The following CHLSN variants were observed in gnomAD, a reference collection of about 807,000 sequenced individuals.
CHLSN encodes the protein protein cholesin.
chr7:1,136,048 GTATA>G, the CHLSN span, among the ~76,000 whole-genome samples: 3 of 104,536 alleles, frequency 2.9e-5, no homozygotes, highest in East Asian at 2.7e-4. Flanking sequence ...AAATATATAA[GTATA>G]TATAAATATA....
At chr7:1,079,987 C>T in the CHLSN span, among the ~76,000 whole-genome samples, 3 of 152,272 alleles carry the variant, frequency 2.0e-5, no homozygotes, top group Non-Finnish European at 4.4e-5. Flanking sequence ...GAACGAGTCC[C>T]ACAAGCCCCT....
At chr7:1,109,270 C>CAGA in the CHLSN span, 1 of 152,190 alleles carries the variant, frequency 6.6e-6, no homozygotes, top group Non-Finnish European at 1.5e-5. Flanking sequence ...TTCCATATAT[C>CAGA]TGCATTACCT....
chr7:1,002,506 GT>G, the CHLSN span, among the ~76,000 whole-genome samples: 2 of 102,508 alleles, frequency 2.0e-5, no homozygotes, highest in African/African-American at 4.2e-5. Flanking sequence ...GGTGAGTGGA[GT>G]CCTGTGGGTG....
At chr7:1,015,787 C>T in the CHLSN span, among the ~76,000 whole-genome samples, 1 of 152,216 alleles carries the variant, frequency 6.6e-6, no homozygotes, top group Non-Finnish European at 1.5e-5. Flanking sequence ...CAACACCCAG[C>T]CCGGGCTTCC....
At chr7:1,115,360 G>T in the CHLSN span, among the ~76,000 whole-genome samples, 1 of 152,224 alleles carries the variant, frequency 6.6e-6, no homozygotes, top group Non-Finnish European at 1.5e-5. Flanking sequence ...CCCCAGGCTC[G>T]CCCTCACCGG....
chr7:1,086,614 G>A, the CHLSN span, among the ~76,000 whole-genome samples: 1 of 152,304 alleles, frequency 6.6e-6, no homozygotes, highest in African/African-American at 2.4e-5. Context: ...CCGAGGGGCC[G>A]AGTGCCCCTG....
chr7:1,131,191 TAAAAAAA>T, the CHLSN span, among the ~76,000 whole-genome samples: 32 of 117,182 alleles, frequency 2.7e-4, no homozygotes, highest in African/African-American at 6.0e-4. Flanking sequence ...ACCTTGTGTT[TAAAAAAA>T]AAAAAAAAAA....
At chr7:996,247 C>T in the CHLSN span, among the ~76,000 whole-genome samples, 1 of 152,216 alleles carries the variant, frequency 6.6e-6, no homozygotes, top group African/African-American at 2.4e-5. Context: ...ACTCTGCTCT[C>T]ACAGGGTGAG....
the CHLSN span, among the ~76,000 whole-genome samples, chr7:1,112,423 G>A: frequency 6.6e-6 from 1 of 152,208 alleles, no homozygotes; most frequent in Admixed American, 6.5e-5. Context: ...CGCCTGGCAA[G>A]GTGGCTGGGA....
the CHLSN span, among the ~76,000 whole-genome samples, chr7:1,136,111 TATACATAA>T: frequency 1.8e-4 from 14 of 76,520 alleles, 2 homozygotes; most frequent in African/African-American, 7.8e-4. Context: ...TATAAATATA[TATACATAA>T]ATATATATAA....
At chr7:1,053,816 G>A in the CHLSN span, among the ~76,000 whole-genome samples, 1 of 152,184 alleles carries the variant, frequency 6.6e-6, no homozygotes, top group Non-Finnish European at 1.5e-5. Flanking sequence ...AACAGAGCGA[G>A]ACTCCATCTC....
the CHLSN span, among the ~76,000 whole-genome samples, chr7:1,102,643 A>C: frequency 1.5e-4 from 23 of 152,072 alleles, no homozygotes; most frequent in Non-Finnish European, 3.1e-4. Flanking sequence ...AGGAAGGTGC[A>C]CTCGGAAGAG....
At chr7:1,051,572 C>A in the CHLSN span, among the ~76,000 whole-genome samples, 1 of 152,272 alleles carries the variant, frequency 6.6e-6, no homozygotes, top group South Asian at 2.1e-4. Flanking sequence ...AGACCTCTCA[C>A]CCCATCCAAA....
At chr7:1,065,059 G>A in the CHLSN span, among the ~76,000 whole-genome samples, 1 of 152,210 alleles carries the variant, frequency 6.6e-6, no homozygotes, top group Non-Finnish European at 1.5e-5. Context: ...ATTCTTCCCA[G>A]CACCAGTCTG....
At chr7:1,013,739 G>C in the CHLSN span, among the ~76,000 whole-genome samples, 1 of 152,124 alleles carries the variant, frequency 6.6e-6, no homozygotes, top group East Asian at 1.9e-4. Flanking sequence ...GGCGTCTCTG[G>C]ACCATCCCAG....
the CHLSN span, among the ~76,000 whole-genome samples, chr7:1,020,096 G>A: frequency 6.6e-6 from 1 of 152,198 alleles, no homozygotes. Flanking sequence ...CGGAGTGGTG[G>A]TGTCTGCTGC....
At chr7:1,028,856 G>A in the CHLSN span, 2 of 750,890 alleles carry the variant, frequency 2.7e-6, no homozygotes, top group Non-Finnish European at 3.1e-6. Context: ...TTCCCAGTCT[G>A]CCATCTCCCC....
chr7:1,091,314 C>T, the CHLSN span: 1 of 170,398 alleles, frequency 5.9e-6, no homozygotes, highest in Non-Finnish European at 1.3e-5. Flanking sequence ...CTGACACACC[C>T]AGACTCTACA....
the CHLSN span, among the ~76,000 whole-genome samples, chr7:1,133,415 T>G: frequency 8.5e-6 from 1 of 117,242 alleles, no homozygotes; most frequent in African/African-American, 3.7e-5. Context: ...AAAAAAAAAC[T>G]ATAATCCCTC....
Sources: allele counts gnomAD v4.1 joint callset (sites outside exome capture counted in the v4.1 genomes callset), GRCh38; gene constraint gnomAD v4.1.1; transcripts MANE v1.5; gene names NCBI Gene and HGNC (gene_info 2026-07-23, HGNC 2026-07-21).